USP53: variants seen among roughly 807,000 people sequenced by gnomAD.
USP53 encodes the protein ubiquitin carboxyl-terminal hydrolase 53.
A neutral mutation model predicts 94.9 loss-of-function variants in USP53; 71 were observed. The ratio of observed to expected loss-of-function variants is 0.75; its 90% CI spans 0.62 to 0.91. The LOEUF is 0.91. Among genes scored for constraint, USP53 ranks in the 40% least tolerant of loss-of-function variants. USP53 has a pLI of 0.00. For synonymous variants in USP53, 375 were observed against 422.7 expected (o/e 0.89, Z 1.39); for missense variants, 1,173 against 1,281.0 (o/e 0.92, Z 1.29).
chr4:119,292,964 T>G lies in USP53; in HGVS notation c.2975T>G (p.Phe992Cys), dbSNP rs369618420. Reference protein sequence around the residue: ...HKETFQVRECFGNTPNCPSSS... With the variant: ...HKETFQVRECCGNTPNCPSSS... ...GAAACATTTCAAGTGAGAGAATGTT[T>G]TGGCAACACACCAAACTGTCCATCC... The change falls in exon 19 of 19, where the codon TTT becomes TGT. Residue 992 changes from phenylalanine (F) to cysteine (C), a missense_variant. Physicochemically the swap from Phe to Cys is radical, Grantham distance 205 (BLOSUM62 -2). Transcript: ENST00000692078. The G allele has an allele frequency of 5.4e-5, 87 of 1,614,018 alleles. No individual in the cohort carries two copies. The highest frequency in any genetic ancestry group is 6.9e-5 in the Non-Finnish European group (82 of 1,179,988).
At chr4:119,291,329 C>T in intron 18 of USP53, 68 bp downstream of exon 18, 1 of 976,356 alleles carries the variant, frequency 1.0e-6, no homozygotes, top group South Asian at 1.7e-5. Context: ...GGCATAAATA[C>T]ATATTATTAC....
chr4:119,255,636 C>T (rs1002608188), intron 7 of USP53, among the ~76,000 whole-genome samples: 2 of 152,270 alleles, frequency 1.3e-5, no homozygotes, highest in Admixed American at 6.5e-5. Context: ...GTGTATGGCT[C>T]CTCCAGGTAC....
chr4:119,270,277 T>C (rs189737798), intron 15 of USP53, among the ~76,000 whole-genome samples: 33 of 151,736 alleles, frequency 2.2e-4, no homozygotes, highest in Admixed American at 1.7e-3. Context: ...AAAAAGTTAT[T>C]TGTAGAGATA....
At chr4:119,253,819 G>T (rs1027989289) in intron 7 of USP53, among the ~76,000 whole-genome samples, 1 of 152,162 alleles carries the variant, frequency 6.6e-6, no homozygotes, top group African/African-American at 2.4e-5. Context: ...AGCGTCAATG[G>T]TCTTTAAATT....
At chr4:119,266,767 T>C (rs1182012151) in intron 12 of USP53, among the ~76,000 whole-genome samples, 1 of 152,142 alleles carries the variant, frequency 6.6e-6, no homozygotes, top group Non-Finnish European at 1.5e-5. Flanking sequence ...TATTAATTAA[T>C]TTAGATTAAG....
chr4:119,269,407 C>T (rs1257784227), intron 14 of USP53, among the ~76,000 whole-genome samples: 1 of 152,108 alleles, frequency 6.6e-6, no homozygotes, highest in Non-Finnish European at 1.5e-5. Flanking sequence ...CAAATAGTGA[C>T]CATTCAGTTA....
At chr4:119,216,377 T>C (rs1743757385) in intron 2 of USP53, among the ~76,000 whole-genome samples, 1 of 71,570 alleles carries the variant, frequency 1.4e-5, no homozygotes, top group Admixed American at 1.2e-4. Flanking sequence ...TGAGACTCTG[T>C]CTAAAAAAAA....
intron 6 of USP53, among the ~76,000 whole-genome samples, chr4:119,246,045 C>T (rs566505771): frequency 6.6e-6 from 1 of 152,074 alleles, no homozygotes; most frequent in Non-Finnish European, 1.5e-5. Flanking sequence ...TTAAGGAACA[C>T]CAAGGAAATA....
intron 7 of USP53, among the ~76,000 whole-genome samples, chr4:119,252,842 G>C (rs751487797): frequency 4.6e-5 from 7 of 151,798 alleles, no homozygotes; most frequent in Non-Finnish European, 8.8e-5. Context: ...TCAATTTTAG[G>C]TATCTCCTGC....
intron 3 of USP53, among the ~76,000 whole-genome samples, chr4:119,222,950 G>A (rs1198340969): frequency 6.6e-6 from 1 of 151,540 alleles, no homozygotes; most frequent in Middle Eastern, 3.2e-3. Flanking sequence ...ACACTTCTTT[G>A]TAATAAAATA....
At chr4:119,254,007 G>T (rs1749404961) in intron 7 of USP53, among the ~76,000 whole-genome samples, 2 of 152,150 alleles carry the variant, frequency 1.3e-5, no homozygotes, top group South Asian at 2.1e-4. Context: ...AAAATTCTGG[G>T]TTGAAAATTC....
At chr4:119,254,608 G>A (rs12501610) in intron 7 of USP53, among the ~76,000 whole-genome samples, 1 of 152,036 alleles carries the variant, frequency 6.6e-6, no homozygotes, top group South Asian at 2.1e-4. Flanking sequence ...GTTTATTCTA[G>A]TTAGCCATTT....
chr4:119,213,641 G>GATATATATATATAT (rs141285286), intron 1 of USP53, among the ~76,000 whole-genome samples: 2,194 of 107,978 alleles, frequency 0.02, 41 homozygotes, highest in Admixed American at 0.026. Flanking sequence ...TCTGGAAATA[G>GATATATATATATAT]ATATATATAT....
intron 9 of USP53, among the ~76,000 whole-genome samples, chr4:119,258,197 C>T (rs775018056): frequency 2.0e-5 from 3 of 152,112 alleles, no homozygotes; most frequent in Non-Finnish European, 4.4e-5. Context: ...AAACCCAGAT[C>T]GGTCTGACTT....
intron 7 of USP53, among the ~76,000 whole-genome samples, chr4:119,254,094 G>T (rs1287344560): frequency 1.3e-5 from 2 of 152,184 alleles, no homozygotes; most frequent in Non-Finnish European, 2.9e-5. Context: ...TCCACCGTTA[G>T]TCTGATGGGC....
At chr4:119,261,275 T>C (rs191064322) in intron 11 of USP53, among the ~76,000 whole-genome samples, 5 of 152,346 alleles carry the variant, frequency 3.3e-5, no homozygotes, top group Admixed American at 3.3e-4. Flanking sequence ...TCTCTTGTTA[T>C]GCTTGTTACT....
At chr4:119,247,473 T>G (rs1412203706) in intron 6 of USP53, among the ~76,000 whole-genome samples, 1 of 152,230 alleles carries the variant, frequency 6.6e-6, no homozygotes, top group Non-Finnish European at 1.5e-5. Flanking sequence ...AAAGGTAAGC[T>G]GCTTCCATCT....
chr4:119,273,546 A>G, intron 16 of USP53, 86 bp from the exon 17 acceptor site: 1 of 967,316 alleles, frequency 1.0e-6, no homozygotes, highest in Non-Finnish European at 1.5e-6. Context: ...GCATATAATA[A>G]ATGTTTAACA....
At chr4:119,289,092 A>G (rs935744514) in intron 17 of USP53, among the ~76,000 whole-genome samples, 2 of 152,180 alleles carry the variant, frequency 1.3e-5, no homozygotes, top group African/African-American at 4.8e-5. Context: ...AAGTTGCAAA[A>G]CTTGTGGTGG....
Sources: gnomAD v4.1 joint callset for allele counts (sites outside exome capture counted in the v4.1 genomes callset) on GRCh38, gnomAD v4.1.1 for gene constraint, MANE v1.5 for transcripts, NCBI Gene and HGNC (gene_info 2026-07-23, HGNC 2026-07-21) for gene names.